Variants in SV2C observed in about 807,000 individuals in gnomAD.
The protein encoded by SV2C is solute carrier family 22 member B3.
SV2C carries 49 observed loss-of-function variants against 79.7 expected under a neutral mutation model. That is an observed-to-expected ratio of 0.61 (90% CI 0.49 to 0.78). SV2C has a LOEUF of 0.78. Among genes scored for constraint, SV2C ranks in the 30% least tolerant of loss-of-function variants. The pLI is 0.00. For synonymous variants in SV2C, 334 were observed against 333.2 expected (o/e 1.00, Z -0.03); for missense variants, 833 against 912.9 (o/e 0.91, Z 1.13).
At chr5:76,218,615 G>A (rs1022553069) in intron 4 of SV2C, among the ~76,000 whole-genome samples, 1 of 152,172 alleles carries the variant, frequency 6.6e-6, no homozygotes, top group Non-Finnish European at 1.5e-5. Context: ...GTTGAGGGAG[G>A]CAAGGGGAGG....
rs1743136849 is a variant in SV2C, at chr5:76,169,129, TAGAAGAA to T, written c.581-25789_581-25783del. On this transcript the variant is annotated intron_variant, in intron 2 of 12. Coordinates refer to ENST00000502798, the MANE Select transcript of SV2C (RefSeq NM_014979.4). ...ATAAAATATATTTTACTGGACAAAGTAGAAGAATGAACAATTATCCCATCAAACACTT... is the reference window on the plus strand; with the variant it reads ...ATAAAATATATTTTACTGGACAAAGTTGAACAATTATCCCATCAAACACTT... Among the ~76,000 whole-genome samples the T allele has an allele frequency of 2.6e-5, 4 of 152,256 alleles. No individual in the cohort carries two copies. In the South Asian group the frequency reaches 8.3e-4, roughly 32 times the overall value.
the SV2C span, among the ~76,000 whole-genome samples, chr5:75,873,155 T>C: frequency 1.3e-5 from 2 of 152,056 alleles, no homozygotes; most frequent in East Asian, 3.8e-4. Flanking sequence ...TGTAGTAAAG[T>C]GTGTGTTAAT....
chr5:75,932,160 T>C, the SV2C span, among the ~76,000 whole-genome samples: 1 of 152,356 alleles, frequency 6.6e-6, no homozygotes, highest in African/African-American at 2.4e-5. Context: ...AGTCAGCCCC[T>C]GCAGGCTGGC....
At chr5:76,040,543 T>C in the SV2C span, among the ~76,000 whole-genome samples, 1 of 152,246 alleles carries the variant, frequency 6.6e-6, no homozygotes. Context: ...TGTGAAGACT[T>C]TTTTGAATTA....
At chr5:75,946,186 G>A in the SV2C span, among the ~76,000 whole-genome samples, 17 of 152,158 alleles carry the variant, frequency 1.1e-4, no homozygotes, top group East Asian at 1.6e-3. Context: ...GACACATACT[G>A]CAAACATCAG....
chr5:76,234,769 G>A (rs1303988722), intron 4 of SV2C, among the ~76,000 whole-genome samples: 1 of 152,146 alleles, frequency 6.6e-6, no homozygotes, highest in African/African-American at 2.4e-5. Flanking sequence ...AAAAACTGAA[G>A]CTTCCTTTAT....
At chr5:75,901,757 G>A in the SV2C span, among the ~76,000 whole-genome samples, 2,538 of 152,300 alleles carry the variant, frequency 0.017, 36 homozygotes, top group African/African-American at 0.044. Context: ...GGAGCTTCCC[G>A]GCTCCTTTGT....
At chr5:76,261,962 T>C (rs1746485033) in intron 4 of SV2C, among the ~76,000 whole-genome samples, 1 of 152,238 alleles carries the variant, frequency 6.6e-6, no homozygotes, top group South Asian at 2.1e-4. Context: ...CCTCATAAAA[T>C]GAGTTAGGGA....
chr5:76,189,456 AG>A (rs1054291159), intron 2 of SV2C, among the ~76,000 whole-genome samples: 2 of 152,230 alleles, frequency 1.3e-5, no homozygotes, highest in African/African-American at 4.8e-5. Flanking sequence ...GCATACTTTT[AG>A]GGGTCTTCAG....
At chr5:75,964,859 A>G in the SV2C span, among the ~76,000 whole-genome samples, 2 of 152,148 alleles carry the variant, frequency 1.3e-5, no homozygotes, top group African/African-American at 4.8e-5. Context: ...TGCTGTTGTC[A>G]TTATGAAGGT....
chr5:76,254,088 C>T (rs1262295114), intron 4 of SV2C, among the ~76,000 whole-genome samples: 7 of 151,686 alleles, frequency 4.6e-5, no homozygotes, highest in African/African-American at 1.5e-4. Flanking sequence ...TGAGACCAGC[C>T]TGGGCAACAT....
chr5:76,235,412 T>C (rs1745581345), intron 4 of SV2C, among the ~76,000 whole-genome samples: 1 of 152,222 alleles, frequency 6.6e-6, no homozygotes, highest in Non-Finnish European at 1.5e-5. Flanking sequence ...AAGCTTTCTT[T>C]ATCAGTGGTG....
Position 76,129,014 on chromosome 5 carries a change from A to G in SV2C, c.-101-2636A>G, listed in dbSNP as rs149595679. Among the ~76,000 whole-genome samples, 7 of 152,322 alleles carry G rather than the reference A, an allele frequency of 4.6e-5. No homozygotes were observed. In the East Asian group the frequency reaches 1.4e-3, roughly 29 times the overall value. ...CATTTACCAGAGGGAGATAATAGCC[A>G]TAGAATTATAACTCTGCCCCTGAAC... On this transcript the variant is annotated intron_variant, in intron 1 of 12. Coordinates refer to ENST00000502798, the MANE Select transcript of SV2C (RefSeq NM_014979.4).
At chr5:76,107,258 A>G (rs955543103) in intron 1 of SV2C, among the ~76,000 whole-genome samples, 1 of 152,196 alleles carries the variant, frequency 6.6e-6, no homozygotes, top group South Asian at 2.1e-4. Flanking sequence ...GAGGATTATA[A>G]ATTTTTTGTT....
intron 4 of SV2C, among the ~76,000 whole-genome samples, chr5:76,222,067 T>C (rs1438838965): frequency 6.6e-6 from 1 of 152,186 alleles, no homozygotes; most frequent in Non-Finnish European, 1.5e-5. Context: ...CTCTCATGCA[T>C]TGCTTGTGGA....
chr5:76,199,200 T>G (rs923585453), intron 3 of SV2C, among the ~76,000 whole-genome samples: 1 of 152,204 alleles, frequency 6.6e-6, no homozygotes, highest in Admixed American at 6.5e-5. Context: ...AAGATTCTCA[T>G]CCTAGAGACC....
chr5:76,260,381 G>C (rs145800450), intron 4 of SV2C, among the ~76,000 whole-genome samples: 2,362 of 151,970 alleles, frequency 0.016, 60 homozygotes, highest in African/African-American at 0.052. Flanking sequence ...ATTTTCTCCC[G>C]TTCTGTAGGT....
chr5:75,914,412 G>A, the SV2C span, among the ~76,000 whole-genome samples: 1 of 152,082 alleles, frequency 6.6e-6, no homozygotes, highest in African/African-American at 2.4e-5. Context: ...ACCAGGTTTG[G>A]GAGTAAACCC....
At chr5:76,132,407 A>G (rs1406785897) in intron 2 of SV2C, 77 bp downstream of exon 2, 2 of 1,391,186 alleles carry the variant, frequency 1.4e-6, no homozygotes, top group African/African-American at 2.9e-5. Context: ...TAGAGAATAA[A>G]TACTTTTCAT....
Sources: gnomAD v4.1 joint callset for allele counts (sites outside exome capture counted in the v4.1 genomes callset) on GRCh38, gnomAD v4.1.1 for gene constraint, MANE v1.5 for transcripts, NCBI Gene and HGNC (gene_info 2026-07-23, HGNC 2026-07-21) for gene names.